The following PTPRG variants were observed in gnomAD, a reference collection of about 807,000 sequenced individuals.
PTPRG encodes the protein receptor-type tyrosine-protein phosphatase gamma.
A neutral mutation model predicts 165.3 loss-of-function variants in PTPRG; 102 were observed. That is an observed-to-expected ratio of 0.62 (90% CI 0.53 to 0.73). The LOEUF is 0.73. PTPRG is among the 30% of genes least tolerant of loss of function. PTPRG has a pLI of 0.00. For synonymous variants in PTPRG, 675 were observed against 669.5 expected, an observed-to-expected ratio of 1.01 and a Z score of -0.13; for missense variants, 1,866 against 1,861.4, an observed-to-expected ratio of 1.00 and a Z score of -0.05.
At chr3:62,116,289 C>T (rs1352062244) in intron 5 of PTPRG, among the ~76,000 whole-genome samples, 1 of 152,120 alleles carries the variant, frequency 6.6e-6, no homozygotes, top group East Asian at 1.9e-4. Context: ...AGTTAAAATT[C>T]AGCATGATTG....
intron 2 of PTPRG, among the ~76,000 whole-genome samples, chr3:61,847,497 G>A (rs747669255): frequency 5.3e-5 from 8 of 152,144 alleles, no homozygotes; most frequent in Non-Finnish European, 1.5e-5. Context: ...AGCACCCCAG[G>A]ACACTCATGC....
At chr3:62,023,442 A>C (rs2041743182) in intron 4 of PTPRG, among the ~76,000 whole-genome samples, 1 of 151,952 alleles carries the variant, frequency 6.6e-6, no homozygotes, top group South Asian at 2.1e-4. Flanking sequence ...TCCTCTTTTT[A>C]CCTTCTTGCT....
intron 2 of PTPRG, among the ~76,000 whole-genome samples, chr3:61,796,814 A>G (rs1559616902): frequency 6.6e-6 from 1 of 152,142 alleles, no homozygotes; most frequent in Non-Finnish European, 1.5e-5. Flanking sequence ...ACAAGGCAAG[A>G]TTTTGTTTCT....
intron 2 of PTPRG, among the ~76,000 whole-genome samples, chr3:61,868,974 C>CT (rs2037486219): frequency 6.6e-6 from 1 of 151,036 alleles, no homozygotes; most frequent in African/African-American, 2.4e-5. Flanking sequence ...CTTCTAATAA[C>CT]TTTTTTTTGG....
intron 5 of PTPRG, among the ~76,000 whole-genome samples, chr3:62,128,336 C>G (rs941313208): frequency 3.9e-5 from 6 of 152,106 alleles, no homozygotes; most frequent in Non-Finnish European, 7.4e-5. Flanking sequence ...AAGCAAATTT[C>G]AAGAGCCAGG....
At chr3:61,837,624 G>A (rs1575707722) in intron 2 of PTPRG, among the ~76,000 whole-genome samples, 1 of 152,174 alleles carries the variant, frequency 6.6e-6, no homozygotes, top group African/African-American at 2.4e-5. Flanking sequence ...TGTTTGAGGT[G>A]AAGGAAGGGG....
At chr3:62,184,804 A>C (rs971693122) in intron 8 of PTPRG, among the ~76,000 whole-genome samples, 3 of 152,222 alleles carry the variant, frequency 2.0e-5, no homozygotes, top group Non-Finnish European at 4.4e-5. Flanking sequence ...GTGAATCTGC[A>C]CCGAATTGGT....
intron 2 of PTPRG, among the ~76,000 whole-genome samples, chr3:61,752,802 G>GAAAAGAAAAAAAAAAAAA (rs1553660820): frequency 9.6e-6 from 1 of 103,708 alleles, no homozygotes; most frequent in Non-Finnish European, 1.9e-5. Flanking sequence ...AAAAAAAAAA[G>GAAAAGAAAAAAAAAAAAA]AAAAAAAAAA....
At chr3:62,182,945 A>T (rs942810151) in intron 8 of PTPRG, among the ~76,000 whole-genome samples, 1 of 152,128 alleles carries the variant, frequency 6.6e-6, no homozygotes, top group African/African-American at 2.4e-5. Flanking sequence ...ATGAGCCACT[A>T]CGCCCGGCTA....
intron 1 of PTPRG, among the ~76,000 whole-genome samples, chr3:61,709,986 C>G (rs1017144792): frequency 6.6e-6 from 1 of 152,122 alleles, no homozygotes; most frequent in South Asian, 2.1e-4. Flanking sequence ...TGGGACCACA[C>G]TAGAAGTAAC....
chr3:62,157,218 C>G lies in PTPRG; in HGVS notation c.834C>G (p.Tyr278Ter), dbSNP rs1704572224. The G allele has an allele frequency of 1.2e-6, 2 of 1,613,298 alleles. No individual in the cohort carries two copies. The highest frequency in any genetic ancestry group is 1.7e-6 in the Non-Finnish European group (2 of 1,179,374). Residue 278 changes from tyrosine to a stop codon, truncating the protein, a stop_gained, in exon 7 of 30, where the codon TAC becomes TAG. Transcript: ENST00000474889. LOFTEE classifies it high-confidence loss of function. ...TCCGGAGACCCGTCCCCATCTCTTA[C>G]CATCAGGTAGATATTCTTCCTCAAG... ...IVFRRPVPIS[Y>*]HQLEAFYSIF...
intron 2 of PTPRG, among the ~76,000 whole-genome samples, chr3:61,831,773 G>A (rs1390512129): frequency 1.3e-5 from 2 of 152,094 alleles, no homozygotes; most frequent in Non-Finnish European, 2.9e-5. Flanking sequence ...TGATATTTTT[G>A]TGCCTTTTTC....
chr3:61,750,155 C>T (rs1053182477), intron 2 of PTPRG: 5 of 152,238 alleles, frequency 3.3e-5, no homozygotes, highest in African/African-American at 4.8e-5. Context: ...GGCTTTTTGT[C>T]ACCATTTCTG....
At chr3:61,584,475 G>A (rs41470150) in intron 1 of PTPRG, among the ~76,000 whole-genome samples, 7,764 of 152,056 alleles carry the variant, frequency 0.051, 303 homozygotes, top group South Asian at 0.19. Context: ...TGGACAGCAA[G>A]TGTTACAACT....
At chr3:62,173,628 A>G (rs1705305649) in intron 8 of PTPRG, among the ~76,000 whole-genome samples, 1 of 152,300 alleles carries the variant, frequency 6.6e-6, no homozygotes, top group Admixed American at 6.5e-5. Flanking sequence ...CCCTAGGACC[A>G]ACCAGAGATT....
At chr3:61,681,977 T>A (rs1251904919) in intron 1 of PTPRG, among the ~76,000 whole-genome samples, 8 of 151,672 alleles carry the variant, frequency 5.3e-5, no homozygotes, top group Non-Finnish European at 1.2e-4. Flanking sequence ...TAGTGAAAAC[T>A]TTTCGCTACT....
chr3:61,853,692 G>T (rs1209910261), intron 2 of PTPRG, among the ~76,000 whole-genome samples: 1 of 152,218 alleles, frequency 6.6e-6, no homozygotes, highest in Admixed American at 6.5e-5. Context: ...AACTTAGTGA[G>T]TTTTGGGGGA....
At chr3:61,995,086 T>TTC (rs2040993696) in intron 3 of PTPRG, among the ~76,000 whole-genome samples, 1 of 38,780 alleles carries the variant, frequency 2.6e-5, no homozygotes, top group African/African-American at 1.3e-4. Context: ...CTTTCTTTCT[T>TTC]TTTTTTTTTT....
At chr3:61,840,394 C>T (rs605580) in intron 2 of PTPRG, among the ~76,000 whole-genome samples, 64,283 of 151,850 alleles carry the variant, frequency 0.42, 15,145 homozygotes, top group East Asian at 0.68. Context: ...GAAGTAAATG[C>T]TTTATATGTT....
Sources: gnomAD v4.1 joint callset for allele counts (sites outside exome capture counted in the v4.1 genomes callset) on GRCh38, gnomAD v4.1.1 for gene constraint, MANE v1.5 for transcripts, NCBI Gene and HGNC (gene_info 2026-07-23, HGNC 2026-07-21) for gene names.